The following SLC7A2 variants were observed in gnomAD, a reference collection of about 807,000 sequenced individuals.
SLC7A2 encodes the protein cationic amino acid transporter 2.
A neutral mutation model predicts 58.9 loss-of-function variants in SLC7A2; 48 were observed. The ratio of observed to expected loss-of-function variants is 0.82; its 90% CI spans 0.65 to 1.04. SLC7A2 has a LOEUF of 1.04. Among genes scored for constraint, SLC7A2 ranks in the 50% least tolerant of loss-of-function variants. The pLI is 0.00. For missense variants in SLC7A2, 1,029 were observed against 818.8 expected, an observed-to-expected ratio of 1.26 and a Z score of -3.13; for synonymous variants, 363 against 314.5, an observed-to-expected ratio of 1.15 and a Z score of -1.63.
chr8:17,501,855 A>G (rs539099537), intron 1 of SLC7A2, among the ~76,000 whole-genome samples: 1 of 151,418 alleles, frequency 6.6e-6, no homozygotes, highest in South Asian at 2.1e-4. Flanking sequence ...ATGCGAGAAC[A>G]TTCCATGACC....
chr8:17,561,602 G>GA (rs1424691147), intron 10 of SLC7A2, among the ~76,000 whole-genome samples: 78 of 152,074 alleles, frequency 5.1e-4, no homozygotes, highest in African/African-American at 1.8e-3. Flanking sequence ...TTTCCCATTT[G>GA]AAAAAAGGGA....
chr8:17,547,734 G>A (rs1399236843), intron 4 of SLC7A2, among the ~76,000 whole-genome samples: 1 of 151,382 alleles, frequency 6.6e-6, no homozygotes, highest in Non-Finnish European at 1.5e-5. Context: ...CAATATAGTC[G>A]AAGATTATGC....
At chr8:17,521,118 T>TG (rs1380269299) in intron 2 of SLC7A2, among the ~76,000 whole-genome samples, 5 of 152,102 alleles carry the variant, frequency 3.3e-5, no homozygotes, top group African/African-American at 1.2e-4. Flanking sequence ...TTTCTTCTAC[T>TG]ATTTTTTTTG....
intron 2 of SLC7A2, chr8:17,538,676 G>T (rs995399678): frequency 1.3e-6 from 1 of 761,886 alleles, no homozygotes; most frequent in Non-Finnish European, 2.0e-6. Context: ...TTGTAGAAAC[G>T]TTGGGTTTGG....
rs187707191 is a variant in SLC7A2 at position 17,539,031 on chromosome 8, C to A, written c.-22-4287C>A. 4.6e-5 allele frequency: 42 copies of A among 919,272 alleles called. No individual in the cohort carries two copies. The East Asian group carries it at 9.7e-4, about 21-fold the overall frequency. 56.9% of individuals were successfully genotyped at this position (919,272 alleles called of 1,614,324 possible). ...AGATTCATTTCTAAGTGACTCAATG[C>A]AACTTCAAACTTTTGAACTAAAGTG... On this transcript the variant is annotated intron_variant, in intron 2 of 12. Coordinates refer to ENST00000494857, the MANE Select transcript of SLC7A2 (RefSeq NM_001370338.1).
chr8:17,509,485 T>C (rs1031151828), intron 2 of SLC7A2, among the ~76,000 whole-genome samples: 1 of 151,998 alleles, frequency 6.6e-6, no homozygotes, highest in Non-Finnish European at 1.5e-5. Flanking sequence ...TTTGTATTTT[T>C]AGTAGAGACA....
chr8:17,506,156 G>C (rs1471151559), intron 2 of SLC7A2, among the ~76,000 whole-genome samples: 1 of 152,182 alleles, frequency 6.6e-6, no homozygotes, highest in Non-Finnish European at 1.5e-5. Flanking sequence ...AATTCATCAA[G>C]AACATAGCAC....
chr8:17,528,874 G>C (rs1440334774), intron 2 of SLC7A2, among the ~76,000 whole-genome samples: 3 of 152,116 alleles, frequency 2.0e-5, no homozygotes, highest in Non-Finnish European at 4.4e-5. Flanking sequence ...AAAGCATTGA[G>C]AGCTGCATAA....
At chr8:17,554,772 G>A in intron 8 of SLC7A2, 73 bp downstream of exon 8, 1 of 1,480,350 alleles carries the variant, frequency 6.8e-7, no homozygotes, top group African/African-American at 1.4e-5. Context: ...AAAATACAAA[G>A]CTAGGTGGTT....
At position 17,548,202 on chromosome 8, in the gene SLC7A2, A is replaced by T. The variant is rs983791980; in HGVS notation, c.533-476A>T. On this transcript the variant is annotated intron_variant, in intron 4 of 12. Coordinates refer to ENST00000494857, the MANE Select transcript of SLC7A2 (RefSeq NM_001370338.1). ...CGAAAAATACAAAAATTAGCCAGAC[A>T]TGGTGGCACACACCTGTAGTCCCAG... 6.6e-5 allele frequency among the ~76,000 whole-genome samples: 10 copies of T among 152,270 alleles called. No individual in the cohort carries two copies. In the South Asian group the frequency reaches 2.1e-3, roughly 32 times the overall value.
intron 2 of SLC7A2, among the ~76,000 whole-genome samples, chr8:17,515,914 T>C (rs1360389229): frequency 6.6e-6 from 1 of 152,196 alleles, no homozygotes; most frequent in African/African-American, 2.4e-5. Context: ...AGGAACACTT[T>C]TTATTAGGGA....
intron 4 of SLC7A2, 26 bp from the exon 5 acceptor site, chr8:17,548,652 A>T (rs1320490843): frequency 6.4e-7 from 1 of 1,568,638 alleles, no homozygotes; most frequent in Non-Finnish European, 8.7e-7. Flanking sequence ...AAGCTAAATA[A>T]AAATTGAAAT....
At chr8:17,546,185 A>G (rs1802165414) in intron 4 of SLC7A2, among the ~76,000 whole-genome samples, 2 of 152,224 alleles carry the variant, frequency 1.3e-5, no homozygotes, top group Admixed American at 6.5e-5. Context: ...AATGAACTTA[A>G]AATATTCAAC....
chr8:17,543,245 G>A, intron 2 of SLC7A2, 73 bp from the exon 3 acceptor site: 4 of 1,358,340 alleles, frequency 2.9e-6, no homozygotes, highest in Non-Finnish European at 4.1e-6. Flanking sequence ...CTCTAATTGT[G>A]CCTGGAAGCT....
chr8:17,555,328 G>A (rs1257104007), intron 8 of SLC7A2, among the ~76,000 whole-genome samples: 1 of 151,672 alleles, frequency 6.6e-6, no homozygotes, highest in Non-Finnish European at 1.5e-5. Context: ...AATCTTTTGG[G>A]CTCTAACAAA....
intron 8 of SLC7A2, among the ~76,000 whole-genome samples, chr8:17,556,475 C>T (rs769154965): frequency 8.4e-4 from 127 of 152,006 alleles, no homozygotes; most frequent in Non-Finnish European, 1.2e-3. Context: ...CCATACCTTA[C>T]TTTGCTTGTT....
At chr8:17,512,834 G>A (rs1244218582) in intron 2 of SLC7A2, among the ~76,000 whole-genome samples, 1 of 152,034 alleles carries the variant, frequency 6.6e-6, no homozygotes, top group Non-Finnish European at 1.5e-5. Context: ...TCTACTTTCT[G>A]TCTCTGTGAA....
At chr8:17,555,674 T>C (rs1802664905) in intron 8 of SLC7A2, among the ~76,000 whole-genome samples, 1 of 152,146 alleles carries the variant, frequency 6.6e-6, no homozygotes, top group African/African-American at 2.4e-5. Context: ...AACATACATA[T>C]CCTCTCCAAC....
chr8:17,531,367 G>C (rs1801444076), intron 2 of SLC7A2, among the ~76,000 whole-genome samples: 2 of 152,104 alleles, frequency 1.3e-5, no homozygotes, highest in Admixed American at 6.6e-5. Flanking sequence ...GTTTCGTTTT[G>C]GGGTAACAAA....
Sources: allele counts gnomAD v4.1 joint callset (sites outside exome capture counted in the v4.1 genomes callset), GRCh38; gene constraint gnomAD v4.1.1; transcripts MANE v1.5; gene names NCBI Gene and HGNC (gene_info 2026-07-23, HGNC 2026-07-21).